PLCB4: variants seen among roughly 807,000 people sequenced by gnomAD.
PLCB4 encodes the protein phospholipase C beta 4, also known as 1-phosphatidylinositol 4,5-bisphosphate phosphodiesterase beta-4.
In PLCB4, 77 loss-of-function variants were observed where a neutral mutation model predicts 178.8. That is an observed-to-expected ratio of 0.43 (90% confidence interval 0.36 to 0.52). The LOEUF (loss-of-function observed/expected upper bound fraction) is 0.52. PLCB4 is among the 20% of genes least tolerant of loss of function. PLCB4 has a pLI of 0.00. For synonymous variants in PLCB4, 496 were observed against 490.8 expected, an observed-to-expected ratio of 1.01 and a Z score of -0.14; for missense variants, 1,024 against 1,453.4, an observed-to-expected ratio of 0.70 and a Z score of 4.80.
chr20:9,423,868 C>T lies in PLCB4; in HGVS notation c.2440C>T (p.Arg814Ter), dbSNP rs745489184. 1 of 1,612,536 alleles carries T rather than the reference C, an allele frequency of 6.2e-7. No homozygotes were observed. The highest frequency in any genetic ancestry group is 8.5e-7 in the Non-Finnish European group (1 of 1,178,604). ...AGCCGGATATCGACACATTTCCCTT[C>T]GAAATGAGGGAAATAAACCATTATC... ...LQAGYRHISLRNEGNKPLSLP... is the reference protein window; with the variant it reads ...LQAGYRHISL The change falls in exon 28 of 40, where the codon CGA becomes TGA. Residue 814 changes from arginine (R) to a stop codon, truncating the protein, a stop_gained. Transcript: ENST00000378473. LOFTEE classifies it high-confidence loss of function.
chr20:9,298,764 A>T (rs1489929472), intron 3 of PLCB4, among the ~76,000 whole-genome samples: 1 of 152,118 alleles, frequency 6.6e-6, no homozygotes, highest in Non-Finnish European at 1.5e-5. Context: ...TAAGGAAGTT[A>T]CACTTGCCCC....
chr20:9,414,354 C>T lies in PLCB4; in HGVS notation c.2051+3266C>T, dbSNP rs182278663. On this transcript the variant is annotated intron_variant, in intron 25 of 39. Coordinates refer to ENST00000378473, the MANE Select transcript of PLCB4 (RefSeq NM_001377142.1). ...GCCGTCACCTGCATGCCTCTGTGTT[C>T]CATGGCGATGGTAGATGTGGGGCCC... Among the ~76,000 whole-genome samples the T allele has an allele frequency of 1.4e-4, 22 of 152,324 alleles. No homozygotes were observed. The East Asian group carries it at 4.1e-3, about 28-fold the overall frequency.
intron 2 of PLCB4, among the ~76,000 whole-genome samples, chr20:9,175,213 C>G (rs1224740757): frequency 6.6e-6 from 1 of 152,084 alleles, no homozygotes; most frequent in African/African-American, 2.4e-5. Context: ...TTAACAAGCT[C>G]TCCAGGAGAT....
intron 7 of PLCB4, among the ~76,000 whole-genome samples, chr20:9,360,330 A>G (rs2035211810): frequency 6.6e-6 from 1 of 152,200 alleles, no homozygotes; most frequent in African/African-American, 2.4e-5. Flanking sequence ...AATAAACAAG[A>G]TTCCTTGCCA....
chr20:9,375,679 A>C (rs563959411), intron 12 of PLCB4, among the ~76,000 whole-genome samples: 21 of 152,284 alleles, frequency 1.4e-4, no homozygotes, highest in African/African-American at 5.1e-4. Context: ...ATGAGACAAA[A>C]AAATAAACAA....
At chr20:9,148,101 A>C (rs1223128674) in intron 2 of PLCB4, among the ~76,000 whole-genome samples, 1 of 152,136 alleles carries the variant, frequency 6.6e-6, no homozygotes, top group African/African-American at 2.4e-5. Flanking sequence ...TATTTCATTG[A>C]AGGCTGAAAG....
intron 9 of PLCB4, among the ~76,000 whole-genome samples, chr20:9,368,614 GT>G (rs1428625043): frequency 6.6e-6 from 1 of 152,104 alleles, no homozygotes; most frequent in Non-Finnish European, 1.5e-5. Context: ...CACGAAGAAG[GT>G]ATGATTCTGC....
chr20:9,141,831 C>A (rs928263380), intron 2 of PLCB4, among the ~76,000 whole-genome samples: 1 of 151,972 alleles, frequency 6.6e-6, no homozygotes, highest in Non-Finnish European at 1.5e-5. Context: ...GCTGAATCTC[C>A]ATGGATGAGT....
chr20:9,119,518 G>GA (rs11481752), intron 2 of PLCB4, among the ~76,000 whole-genome samples: 70,968 of 131,360 alleles, frequency 0.54, 17,554 homozygotes, highest in Middle Eastern at 0.62. Flanking sequence ...AGAGAAAGGA[G>GA]AAAAAAAAAA....
intron 39 of PLCB4, among the ~76,000 whole-genome samples, chr20:9,477,830 A>G (rs1217410056): frequency 1.3e-5 from 2 of 152,170 alleles, no homozygotes; most frequent in East Asian, 3.9e-4. Flanking sequence ...TAATTTTGTC[A>G]CAAGAATTCA....
chr20:9,344,804 C>T (rs1006266269), intron 7 of PLCB4, among the ~76,000 whole-genome samples: 1 of 152,164 alleles, frequency 6.6e-6, no homozygotes, highest in Non-Finnish European at 1.5e-5. Context: ...TGGCCTCTTT[C>T]CAGTTTGGAT....
rs117775211 is a variant in PLCB4, at chr20:9,117,313, G to A, written c.-79+20971G>A. ...AATTTTGTAATTTCTGTCAAAGGGTGTGAACATATTTTTACAGCTCAGGAT... is the reference window on the plus strand; with the variant it reads ...AATTTTGTAATTTCTGTCAAAGGGTATGAACATATTTTTACAGCTCAGGAT... On this transcript the variant is annotated intron_variant, in intron 2 of 39. Coordinates refer to ENST00000378473, the MANE Select transcript of PLCB4 (RefSeq NM_001377142.1). 4.6e-4 allele frequency among the ~76,000 whole-genome samples: 70 copies of A among 152,266 alleles called. 1 individual carries two copies. In the East Asian group the frequency reaches 0.013, roughly 27 times the overall value.
chr20:9,138,935 A>G (rs747435365), intron 2 of PLCB4, among the ~76,000 whole-genome samples: 5 of 152,150 alleles, frequency 3.3e-5, no homozygotes, highest in Non-Finnish European at 7.4e-5. Flanking sequence ...GCAAAATGGT[A>G]ACTATAGTAC....
intron 3 of PLCB4, among the ~76,000 whole-genome samples, chr20:9,307,494 T>TACACACACACAC (rs745918024): frequency 3.6e-5 from 5 of 138,178 alleles, no homozygotes; most frequent in African/African-American, 1.1e-4. Context: ...AAAAAAAGAA[T>TACACACACACAC]ACACACACAC....
chr20:9,268,997 G>A (rs1351168992), intron 3 of PLCB4, among the ~76,000 whole-genome samples: 1 of 152,182 alleles, frequency 6.6e-6, no homozygotes, highest in African/African-American at 2.4e-5. Context: ...AGGTGGGTAA[G>A]CATATTGAAT....
At chr20:9,073,560 C>A (rs1002040294) in intron 1 of PLCB4, among the ~76,000 whole-genome samples, 1 of 152,028 alleles carries the variant, frequency 6.6e-6, no homozygotes, top group Non-Finnish European at 1.5e-5. Flanking sequence ...TTCCATTGTA[C>A]TTTTAGGTAT....
chr20:9,087,000 T>C (rs1403557741), intron 1 of PLCB4, among the ~76,000 whole-genome samples: 1 of 152,206 alleles, frequency 6.6e-6, no homozygotes, highest in Non-Finnish European at 1.5e-5. Flanking sequence ...AGTTCAACAT[T>C]ATTTTGCTTA....
At chr20:9,126,837 G>A (rs1383212168) in intron 2 of PLCB4, among the ~76,000 whole-genome samples, 1 of 147,218 alleles carries the variant, frequency 6.8e-6, no homozygotes, top group Non-Finnish European at 1.5e-5. Flanking sequence ...CACAAAGGAA[G>A]CATTCAGTCT....
chr20:9,115,504 T>G (rs560818171), intron 2 of PLCB4, among the ~76,000 whole-genome samples: 1 of 151,522 alleles, frequency 6.6e-6, no homozygotes, highest in South Asian at 2.1e-4. Context: ...TGTATACATG[T>G]GCCATGTTGT....
Sources: gnomAD v4.1 joint callset for allele counts (sites outside exome capture counted in the v4.1 genomes callset) on GRCh38, gnomAD v4.1.1 for gene constraint, MANE v1.5 for transcripts, NCBI Gene and HGNC (gene_info 2026-07-23, HGNC 2026-07-21) for gene names.